The following CHODL variants were observed in gnomAD, a reference collection of about 807,000 sequenced individuals.
The protein encoded by CHODL is transmembrane protein MT75.
In CHODL, 29 loss-of-function variants were observed where a neutral mutation model predicts 34.5. The ratio of observed to expected loss-of-function variants is 0.84; its 90% confidence interval spans 0.63 to 1.15. The LOEUF (loss-of-function observed/expected upper bound fraction) is 1.15. CHODL is among the 50% of genes most tolerant of loss of function. CHODL has a pLI of 0.00. For synonymous variants in CHODL, 125 were observed against 116.1 expected, an observed-to-expected ratio of 1.08 and a Z score of -0.49; for missense variants, 332 against 332.5, an observed-to-expected ratio of 1.00 and a Z score of 0.01.
At chr21:18,168,178 T>G (rs1436941574) in intron 2 of CHODL, among the ~76,000 whole-genome samples, 6 of 152,206 alleles carry the variant, frequency 3.9e-5, no homozygotes, top group African/African-American at 1.4e-4. Flanking sequence ...TCACTACTTT[T>G]GAGGTTTTGG....
In CHODL at chr21:17,968,107, C is replaced by T. The variant is rs56114710; in HGVS notation, c.-145+50707C>T. Among the ~76,000 whole-genome samples, 512 of 152,328 alleles carry T rather than the reference C, an allele frequency of 3.4e-3. 1 individual carries two copies. Among genetic ancestry groups the T allele is most frequent in the Non-Finnish European group, 5.7e-3 (390 of 68,032 alleles). ...CATCCTTAGGCCATCTGCCTTTTGC[C>T]TAGGTCTGTTGAGAACCTGCACATT... is the stretch of plus-strand genomic sequence containing the variant. On this transcript the variant is annotated intron_variant, in intron 1 of 6. Coordinates refer to the CHODL transcript ENST00000400127.
chr21:18,124,790 T>C (rs1317379379), intron 2 of CHODL, among the ~76,000 whole-genome samples: 1 of 152,230 alleles, frequency 6.6e-6, no homozygotes, highest in Non-Finnish European at 1.5e-5. Context: ...CAATAGCTGG[T>C]ATTTACTAAG....
chr21:17,921,374 G>C (rs371543094), intron 1 of CHODL, among the ~76,000 whole-genome samples: 143 of 152,284 alleles, frequency 9.4e-4, no homozygotes, highest in Middle Eastern at 3.4e-3. Flanking sequence ...CATCATCTAA[G>C]TTAACACATA....
At chr21:18,154,224 A>G (rs571783137) in intron 2 of CHODL, among the ~76,000 whole-genome samples, 2 of 152,310 alleles carry the variant, frequency 1.3e-5, no homozygotes, top group South Asian at 2.1e-4. Context: ...ACTCAGCAAT[A>G]TATCTCAAAG....
At chr21:17,917,784 G>A (rs534090329) in intron 1 of CHODL, among the ~76,000 whole-genome samples, 15 of 152,020 alleles carry the variant, frequency 9.9e-5, no homozygotes, top group Non-Finnish European at 1.9e-4. Context: ...TAGATCTACA[G>A]GAGGTAAATG....
At chr21:18,246,016 C>A in intron 1 of CHODL, 3 of 1,274,102 alleles carry the variant, frequency 2.4e-6, no homozygotes, top group Non-Finnish European at 2.2e-6. Flanking sequence ...GGAAATCGAT[C>A]AAAATTGGCA....
chr21:18,031,495 G>T (rs79973721), intron 2 of CHODL, among the ~76,000 whole-genome samples: 5,871 of 152,008 alleles, frequency 0.039, 273 homozygotes, highest in East Asian at 0.14. Flanking sequence ...ACCCAGCTGG[G>T]GCAGGACAGA....
chr21:17,939,215 C>T (rs1324137418), intron 1 of CHODL, among the ~76,000 whole-genome samples: 2 of 152,090 alleles, frequency 1.3e-5, no homozygotes, highest in Non-Finnish European at 2.9e-5. Context: ...AGCTTTATGC[C>T]TGCTGATTAG....
Position 18,138,433 on chromosome 21 carries a change from C to T in CHODL, c.-45+110462C>T, listed in dbSNP as rs546245506. Among the ~76,000 whole-genome samples, 12 of 152,296 alleles carry T rather than the reference C, an allele frequency of 7.9e-5. No homozygotes were observed. In the East Asian group the frequency reaches 2.3e-3, roughly 29 times the overall value. ...ATGACCATGATAGAATTCCTACTCA[C>T]CTCCTGTTTTCTGGTTTAAATAACT... On this transcript the variant is annotated intron_variant, in intron 2 of 6. Coordinates refer to the CHODL transcript ENST00000400127.
chr21:18,192,608 T>C (rs1403467758), intron 2 of CHODL, among the ~76,000 whole-genome samples: 1 of 152,182 alleles, frequency 6.6e-6, no homozygotes, highest in African/African-American at 2.4e-5. Context: ...CTTGGACATA[T>C]CATTTTGAAA....
chr21:18,003,016 G>A (rs1216897115), intron 1 of CHODL, among the ~76,000 whole-genome samples: 2 of 151,824 alleles, frequency 1.3e-5, no homozygotes, highest in Non-Finnish European at 2.9e-5. Flanking sequence ...CCAGCTACTC[G>A]GGAGGCTGAG....
chr21:18,057,637 C>A (rs947279598), intron 2 of CHODL, among the ~76,000 whole-genome samples: 1 of 151,790 alleles, frequency 6.6e-6, no homozygotes, highest in Non-Finnish European at 1.5e-5. Flanking sequence ...CCTAAAAAAC[C>A]CCCTGTGCCC....
At chr21:17,919,320 G>A (rs898303899) in intron 1 of CHODL, among the ~76,000 whole-genome samples, 4 of 152,174 alleles carry the variant, frequency 2.6e-5, no homozygotes, top group East Asian at 1.9e-4. Flanking sequence ...ACTTCTGCCC[G>A]GGCATCCAGG....
intron 1 of CHODL, among the ~76,000 whole-genome samples, chr21:17,935,380 C>A (rs1395735846): frequency 6.6e-6 from 1 of 152,060 alleles, no homozygotes; most frequent in Non-Finnish European, 1.5e-5. Context: ...AATTTGAATC[C>A]AGGTATTCTA....
chr21:18,106,658 C>G (rs935317615), intron 2 of CHODL, among the ~76,000 whole-genome samples: 3 of 151,982 alleles, frequency 2.0e-5, no homozygotes, highest in Non-Finnish European at 2.9e-5. Flanking sequence ...CCACACCTGG[C>G]CAATTTTTTC....
In CHODL at chr21:17,925,969, T is replaced by G. The variant is rs148285464; in HGVS notation, c.-145+8569T>G. Among the ~76,000 whole-genome samples, 1,225 of 152,314 alleles carry G rather than the reference T, an allele frequency of 8.0e-3. 20 individuals carry two copies. The highest frequency in any genetic ancestry group is 0.027 in the African/African-American group (1,132 of 41,572). ...AGATGTTTAATAGACAATTAGTATT[T>G]CAAAACTTATTTTAATTTGTGGTTT... On this transcript the variant is annotated intron_variant, in intron 1 of 6. Coordinates refer to the CHODL transcript ENST00000400127.
At chr21:18,245,612 C>T (rs1380879698) in intron 1 of CHODL, among the ~76,000 whole-genome samples, 1 of 152,148 alleles carries the variant, frequency 6.6e-6, no homozygotes, top group Admixed American at 6.5e-5. Context: ...GTTGACCACA[C>T]GGCCGGGCTC....
chr21:18,081,649 C>G (rs926741466), intron 2 of CHODL, among the ~76,000 whole-genome samples: 16 of 151,140 alleles, frequency 1.1e-4, no homozygotes, highest in African/African-American at 3.9e-4. Flanking sequence ...CCATTGCACT[C>G]CAGCCTGGGC....
chr21:17,929,686 G>A (rs1195377670), intron 1 of CHODL, among the ~76,000 whole-genome samples: 9 of 152,148 alleles, frequency 5.9e-5, no homozygotes, highest in Non-Finnish European at 1.3e-4. Context: ...TGAACCCCCC[G>A]GGGCCTCCAG....
Sources: allele counts gnomAD v4.1 joint callset (sites outside exome capture counted in the v4.1 genomes callset), GRCh38; gene constraint gnomAD v4.1.1; transcripts MANE v1.5; gene names NCBI Gene and HGNC (gene_info 2026-07-23, HGNC 2026-07-21).